Variants in GPC5 observed in about 807,000 individuals in gnomAD.
GPC5 encodes the protein glypican 5.
Under a neutral mutation model 53.9 loss-of-function variants are expected in GPC5, and 47 were observed. The observed-to-expected ratio is 0.87, with a 90% CI of 0.69 to 1.11. GPC5 has a LOEUF of 1.11. Among genes scored for constraint, GPC5 ranks in the 50% most tolerant of loss-of-function variants. GPC5 has a pLI of 0.00. For synonymous variants in GPC5, 286 were observed against 263.3 expected (o/e 1.09, Z -0.84); for missense variants, 748 against 713.1 (o/e 1.05, Z -0.56).
chr13:92,529,929 A>T (rs1342632850), intron 7 of GPC5, among the ~76,000 whole-genome samples: 1 of 152,038 alleles, frequency 6.6e-6, no homozygotes, highest in Non-Finnish European at 1.5e-5. Flanking sequence ...CTATAAATTT[A>T]AAAAATTAGC....
Position 91,728,673 on chromosome 13 carries a change from A to G in GPC5, c.1154+8A>G, listed in dbSNP as rs1240817097. On this transcript the variant is annotated splice_region_variant and intron_variant, in intron 4 of 7. Coordinates refer to ENST00000377067, the MANE Select transcript of GPC5 (RefSeq NM_004466.6). ...GCTTGCCAACAGAAGAAAGTAAGAC[A>G]TTTGTTTTACAACCAGAAAGAGAAA... 1 of 1,605,994 alleles carries G rather than the reference A, an allele frequency of 6.2e-7. No individual in the cohort carries two copies.
chr13:92,691,771 G>T (rs1455835697), intron 7 of GPC5, among the ~76,000 whole-genome samples: 5 of 142,834 alleles, frequency 3.5e-5, no homozygotes, highest in South Asian at 4.4e-4. Context: ...TGGTTTTAGG[G>T]TTTTTTTTTT....
At chr13:92,599,816 T>TA (rs58722448) in intron 7 of GPC5, among the ~76,000 whole-genome samples, 1 of 151,850 alleles carries the variant, frequency 6.6e-6, no homozygotes, top group African/African-American at 2.4e-5. Context: ...TTTTTTTTTG[T>TA]AAAAAAAAAT....
At chr13:91,435,298 A>G (rs900942634) in intron 1 of GPC5, among the ~76,000 whole-genome samples, 20 of 152,172 alleles carry the variant, frequency 1.3e-4, no homozygotes, top group African/African-American at 4.6e-4. Context: ...GTTTTTGCCC[A>G]TTCAGTATGA....
chr13:91,650,750 G>GTTTTTGTTTTTTT (rs1491353283), intron 2 of GPC5, among the ~76,000 whole-genome samples: 36 of 99,602 alleles, frequency 3.6e-4, no homozygotes, highest in African/African-American at 9.7e-4. Flanking sequence ...ATTCCCATAA[G>GTTTTTGTTTTTTT]TTTTTTTTTT....
intron 6 of GPC5, among the ~76,000 whole-genome samples, chr13:91,930,245 A>G (rs1304348221): frequency 6.7e-6 from 1 of 149,600 alleles, no homozygotes; most frequent in Non-Finnish European, 1.5e-5. Context: ...AAATCAAGAG[A>G]AAAAAGAACA....
At chr13:92,751,575 C>CAT (rs1889400044) in intron 7 of GPC5, among the ~76,000 whole-genome samples, 1 of 129,696 alleles carries the variant, frequency 7.7e-6, no homozygotes, top group South Asian at 2.4e-4. Context: ...CAGTGGGGAA[C>CAT]ATCACACACC....
At chr13:92,325,553 G>A (rs2043245179) in intron 7 of GPC5, among the ~76,000 whole-genome samples, 1 of 152,026 alleles carries the variant, frequency 6.6e-6, no homozygotes, top group South Asian at 2.1e-4. Flanking sequence ...ATATCAAGAG[G>A]AGAAACAGAG....
At chr13:92,754,072 C>A (rs1874729426) in intron 7 of GPC5, among the ~76,000 whole-genome samples, 1 of 152,102 alleles carries the variant, frequency 6.6e-6, no homozygotes, top group East Asian at 1.9e-4. Context: ...TTAAAGGCAG[C>A]CAGAGAGAAA....
intron 7 of GPC5, among the ~76,000 whole-genome samples, chr13:92,827,613 C>T (rs562949362): frequency 1.3e-5 from 2 of 152,264 alleles, no homozygotes; most frequent in African/African-American, 2.4e-5. Context: ...GGCTGCTTTG[C>T]ATGTACACGC....
At chr13:91,707,918 T>G (rs777139540) in intron 3 of GPC5, among the ~76,000 whole-genome samples, 6 of 152,192 alleles carry the variant, frequency 3.9e-5, no homozygotes, top group Admixed American at 6.5e-5. Context: ...GTCTATCAAC[T>G]GATGAATGGA....
At chr13:92,513,779 C>T (rs1383817676) in intron 7 of GPC5, among the ~76,000 whole-genome samples, 1 of 152,096 alleles carries the variant, frequency 6.6e-6, no homozygotes, top group African/African-American at 2.4e-5. Context: ...GTTTTATATA[C>T]ACCTATACAC....
intron 7 of GPC5, among the ~76,000 whole-genome samples, chr13:92,683,398 T>C (rs1887164687): frequency 6.6e-6 from 1 of 152,034 alleles, no homozygotes; most frequent in Non-Finnish European, 1.5e-5. Context: ...CATGAAGAAA[T>C]AGAACACATC....
chr13:91,568,733 A>G (rs1205263270), intron 2 of GPC5, among the ~76,000 whole-genome samples: 4 of 151,462 alleles, frequency 2.6e-5, no homozygotes, highest in Admixed American at 6.6e-5. Flanking sequence ...ATCATGTACC[A>G]TATGTTATTT....
chr13:91,627,849 G>T (rs1354864781), intron 2 of GPC5, among the ~76,000 whole-genome samples: 4 of 152,056 alleles, frequency 2.6e-5, no homozygotes, highest in Middle Eastern at 6.3e-3. Context: ...CCTCCTAATA[G>T]TATTCTTCAA....
chr13:91,483,324 T>C (rs1206257006), intron 2 of GPC5, among the ~76,000 whole-genome samples: 1 of 152,184 alleles, frequency 6.6e-6, no homozygotes, highest in Non-Finnish European at 1.5e-5. Context: ...ATAAGGCCTT[T>C]GTATGTTAGC....
chr13:91,796,152 A>G (rs547855181), intron 5 of GPC5, among the ~76,000 whole-genome samples: 20 of 152,202 alleles, frequency 1.3e-4, no homozygotes, highest in Middle Eastern at 6.8e-3. Flanking sequence ...TTATACCTCT[A>G]TTAGAAGCTG....
At position 91,693,174 on chromosome 13, in the gene GPC5, G is replaced by A; in HGVS notation, c.326-13G>A. The A allele has an allele frequency of 6.3e-7, 1 of 1,595,502 alleles. No individual in the cohort carries two copies. On this transcript the variant is annotated splice_polypyrimidine_tract_variant and intron_variant, in intron 2 of 7. Coordinates refer to ENST00000377067, the MANE Select transcript of GPC5 (RefSeq NM_004466.6). ...CTAAACCTTCTCATGTTTTACCTCT[G>A]CTTGTGTTACAGAAACCCTTGAAAC...
At chr13:92,024,589 C>G (rs888998915) in intron 6 of GPC5, among the ~76,000 whole-genome samples, 2 of 152,148 alleles carry the variant, frequency 1.3e-5, no homozygotes, top group Non-Finnish European at 2.9e-5. Context: ...TGTCATGACT[C>G]TCTCTCTGTT....
Sources: allele counts gnomAD v4.1 joint callset (sites outside exome capture counted in the v4.1 genomes callset), GRCh38; gene constraint gnomAD v4.1.1; transcripts MANE v1.5; gene names NCBI Gene and HGNC (gene_info 2026-07-23, HGNC 2026-07-21).